Variants in TCEA1 observed in about 807,000 individuals in gnomAD.
TCEA1 encodes transcription elongation factor A protein 1.
A neutral mutation model predicts 43.8 loss-of-function variants in TCEA1; 21 were observed. The observed-to-expected ratio is 0.48, with a 90% CI of 0.34 to 0.69. The LOEUF is 0.69. TCEA1 is among the 30% of genes least tolerant of loss of function. The pLI, the probability that TCEA1 is intolerant of heterozygous loss-of-function variation, is 0.01. For synonymous variants in TCEA1, 104 were observed against 117.5 expected (o/e 0.88, Z 0.75); for missense variants, 250 against 365.1 (o/e 0.68, Z 2.57).
chr8:53,999,633 T>C (rs1174387498), intron 3 of TCEA1: 2 of 289,404 alleles, frequency 6.9e-6, no homozygotes, highest in Admixed American at 5.0e-5. Context: ...GCAAGTTTTC[T>C]GTAAGTCAAA....
At chr8:53,999,761 T>C in intron 3 of TCEA1, 184 bp downstream of exon 3, 2 of 495,862 alleles carry the variant, frequency 4.0e-6, no homozygotes, top group East Asian at 6.4e-5. Context: ...TTGACTGGCC[T>C]AAAAGGCAAA....
chr8:54,005,448 T>G (rs6473901), intron 2 of TCEA1, among the ~76,000 whole-genome samples: 1 of 152,096 alleles, frequency 6.6e-6, no homozygotes, highest in African/African-American at 2.4e-5. Flanking sequence ...ACTTGTTTCA[T>G]AGGCATCTCA....
chr8:53,975,582 T>C (rs905696249), intron 8 of TCEA1, among the ~76,000 whole-genome samples: 15 of 152,150 alleles, frequency 9.9e-5, no homozygotes, highest in African/African-American at 3.6e-4. Context: ...GTCTGACATA[T>C]ATCACAACAC....
At chr8:53,988,385 T>A (rs1227602091) in intron 4 of TCEA1, 126 bp from the exon 5 acceptor site, 9 of 1,141,252 alleles carry the variant, frequency 7.9e-6, no homozygotes, top group Non-Finnish European at 8.2e-6. Context: ...CAGTGACCTT[T>A]ATGTGATGGA....
intron 8 of TCEA1, chr8:53,971,992 T>TTA: frequency 1.0e-5 from 2 of 196,436 alleles, no homozygotes; most frequent in Non-Finnish European, 2.0e-5. Flanking sequence ...AAAAAAAACA[T>TTA]TATTCAACAT....
At chr8:54,010,959 G>A (rs1024496262) in intron 1 of TCEA1, among the ~76,000 whole-genome samples, 3 of 151,976 alleles carry the variant, frequency 2.0e-5, no homozygotes, top group Admixed American at 2.0e-4. Flanking sequence ...GAGATTACAG[G>A]CACACACCAC....
intron 2 of TCEA1, among the ~76,000 whole-genome samples, chr8:54,003,939 A>T (rs1211725658): frequency 6.9e-6 from 1 of 144,134 alleles, no homozygotes; most frequent in Non-Finnish European, 1.5e-5. Context: ...CAACTCGATT[A>T]AAAAAAAAAA....
chr8:53,974,627 A>G (rs1199483567), intron 8 of TCEA1, among the ~76,000 whole-genome samples: 3 of 151,986 alleles, frequency 2.0e-5, no homozygotes, highest in African/African-American at 7.3e-5. Flanking sequence ...TCCTGGGTTC[A>G]AGCAATTCTC....
In TCEA1 at chr8:53,994,696, G is replaced by A. The variant is rs1315136107; in HGVS notation, c.233-941C>T. On this transcript the variant is annotated intron_variant, in intron 3 of 9. Transcript: ENST00000521604. ...ATCCTGGTTAACATGGTAAAACCCC[G>A]TCTCTACTAAAAAAAATACAAAAAA... is the stretch of plus-strand genomic sequence containing the variant. 2.6e-5 allele frequency among the ~76,000 whole-genome samples: 4 copies of A among 150,968 alleles called. No individual in the cohort carries two copies. The South Asian group carries it at 6.3e-4, about 24-fold the overall frequency.
At chr8:54,015,268 C>G (rs1355791770) in intron 1 of TCEA1, among the ~76,000 whole-genome samples, 2 of 151,718 alleles carry the variant, frequency 1.3e-5, no homozygotes, top group Non-Finnish European at 2.9e-5. Context: ...CTCCTGGGTT[C>G]AAGCGATTAT....
At chr8:54,014,514 T>A (rs1362874882) in intron 1 of TCEA1, among the ~76,000 whole-genome samples, 1 of 152,220 alleles carries the variant, frequency 6.6e-6, no homozygotes, top group Non-Finnish European at 1.5e-5. Context: ...CTACAGATGA[T>A]GCAAGAGAAA....
intron 1 of TCEA1, among the ~76,000 whole-genome samples, chr8:54,019,858 A>G (rs1412470620): frequency 2.6e-5 from 4 of 152,168 alleles, no homozygotes; most frequent in Non-Finnish European, 5.9e-5. Flanking sequence ...AAAGTACAAG[A>G]GCCAGTCAGT....
rs760286713 is a variant in TCEA1, at chr8:53,999,961, G to A, written c.216C>T (p.Ser72=). The A allele has an allele frequency of 6.9e-6, 11 of 1,593,122 alleles. No homozygotes were observed. The highest frequency in any genetic ancestry group is 1.7e-4 in the Middle Eastern group (1 of 6,038). The change falls in exon 3 of 10, where the codon TCC becomes TCT. Residue 72 remains serine (S), a synonymous_variant. Coordinates refer to ENST00000521604, the MANE Select transcript of TCEA1 (RefSeq NM_006756.4). Reference sequence around the variant, plus strand: ...CAATGATACCTAATAATTTTTTCCAGGATTTGATGAGAGACTTTGCCAAAG... The same window carrying A: ...CAATGATACCTAATAATTTTTTCCAAGATTTGATGAGAGACTTTGCCAAAG... ...VTSLAKSLIK[S]WKKLLDGPST...
intron 4 of TCEA1, among the ~76,000 whole-genome samples, chr8:53,990,097 C>T (rs1563484896): frequency 6.6e-6 from 1 of 151,936 alleles, no homozygotes; most frequent in East Asian, 1.9e-4. Flanking sequence ...TACTTGGGGG[C>T]TGAAGTAGGG....
chr8:54,021,987 G>T lies in TCEA1; in HGVS notation c.63+76C>A. 3.0e-6 allele frequency: 4 copies of T among 1,348,780 alleles called. No homozygotes were observed. In the South Asian group the frequency reaches 4.9e-5, roughly 16 times the overall value. 83.6% of individuals were successfully genotyped at this position (1,348,780 alleles called of 1,614,324 possible). A position where few individuals can be genotyped will look rare whatever the true frequency, so the allele number is the denominator to read the frequency against. ...GGCTGCAGGGGGAGGGGAGGGAGAA[G>T]GAGGGAGGGGGCGGCCCCCTCGGGC... On this transcript the variant is annotated intron_variant, in intron 1 of 9. Coordinates refer to ENST00000521604, the MANE Select transcript of TCEA1 (RefSeq NM_006756.4).
intron 8 of TCEA1, chr8:53,973,233 AAAAG>A: frequency 6.3e-6 from 3 of 475,098 alleles, no homozygotes; most frequent in Non-Finnish European, 7.9e-6. Flanking sequence ...CAAGAAAAAG[AAAAG>A]AAAGACAAAG....
intron 3 of TCEA1, among the ~76,000 whole-genome samples, chr8:53,997,822 CA>C (rs891758457): frequency 9.9e-5 from 15 of 152,232 alleles, no homozygotes; most frequent in African/African-American, 3.1e-4. Context: ...TGCTTGAACC[CA>C]GGAGTTGGAG....
intron 2 of TCEA1, among the ~76,000 whole-genome samples, chr8:54,008,034 T>A (rs993667505): frequency 6.6e-6 from 1 of 151,808 alleles, no homozygotes. Flanking sequence ...ATACAAAAAT[T>A]AGCTGGGCAT....
chr8:53,970,334 C>G, intron 9 of TCEA1, 58 bp downstream of exon 9: 1 of 1,179,666 alleles, frequency 8.5e-7, no homozygotes, highest in East Asian at 2.3e-5. Context: ...ATGAAAAGAC[C>G]AGAAGAAATC....
Sources: gnomAD v4.1 joint callset for allele counts (sites outside exome capture counted in the v4.1 genomes callset) on GRCh38, gnomAD v4.1.1 for gene constraint, MANE v1.5 for transcripts, NCBI Gene and HGNC (gene_info 2026-07-23, HGNC 2026-07-21) for gene names.